RPSA2: variants seen among roughly 807,000 people sequenced by gnomAD.
RPSA2 encodes the protein ribosomal protein SA 2, also known as small ribosomal subunit protein uS2B.
At chr19:23,870,501 A>G in the RPSA2 span, among the ~76,000 whole-genome samples, 1 of 143,140 alleles carries the variant, frequency 7.0e-6, no homozygotes, top group Non-Finnish European at 1.5e-5. Flanking sequence ...CACATCCAAC[A>G]TCACCTTTGA....
chr19:23,847,998 C>T, the RPSA2 span, among the ~76,000 whole-genome samples: 17 of 152,222 alleles, frequency 1.1e-4, no homozygotes, highest in Admixed American at 6.5e-4. Context: ...TCCCTAAAAT[C>T]GCTGCTATTC....
the RPSA2 span, among the ~76,000 whole-genome samples, chr19:23,778,105 G>A: frequency 6.6e-6 from 1 of 152,156 alleles, no homozygotes; most frequent in Non-Finnish European, 1.5e-5. Flanking sequence ...GTGACATATT[G>A]CAGTGACCAG....
chr19:23,813,723 C>T, the RPSA2 span, among the ~76,000 whole-genome samples: 1 of 64,208 alleles, frequency 1.6e-5, no homozygotes, highest in Non-Finnish European at 3.0e-5. Context: ...ACAATCAACA[C>T]GGGTTTCTTT....
the RPSA2 span, among the ~76,000 whole-genome samples, chr19:23,824,344 T>C: frequency 7.4e-6 from 1 of 135,388 alleles, no homozygotes; most frequent in South Asian, 2.7e-4. Flanking sequence ...TGTGACCTTG[T>C]CATGTTGCCC....
chr19:23,820,061 A>G, the RPSA2 span, among the ~76,000 whole-genome samples: 1 of 152,214 alleles, frequency 6.6e-6, no homozygotes, highest in Non-Finnish European at 1.5e-5. Context: ...ACCCATCCTG[A>G]AAAGGTGCAG....
chr19:23,833,694 T>G, the RPSA2 span, among the ~76,000 whole-genome samples: 1 of 152,098 alleles, frequency 6.6e-6, no homozygotes, highest in African/African-American at 2.4e-5. Flanking sequence ...TTACTCAAAA[T>G]CAGATAGTTC....
At chr19:23,837,686 T>C in the RPSA2 span, among the ~76,000 whole-genome samples, 1 of 152,104 alleles carries the variant, frequency 6.6e-6, no homozygotes, top group Non-Finnish European at 1.5e-5. Flanking sequence ...ATTAGGTATA[T>C]TTCCTAAGTA....
the RPSA2 span, among the ~76,000 whole-genome samples, chr19:23,857,817 C>A: frequency 3.9e-5 from 6 of 151,962 alleles, no homozygotes; most frequent in Admixed American, 2.0e-4. Context: ...CTTATAAAGT[C>A]ATTTCAATAA....
At chr19:23,796,220 T>A in the RPSA2 span, among the ~76,000 whole-genome samples, 1 of 152,254 alleles carries the variant, frequency 6.6e-6, no homozygotes, top group Non-Finnish European at 1.5e-5. Flanking sequence ...ATTGAGGTAA[T>A]CTTGTGGTTT....
At chr19:23,761,244 C>T in the RPSA2 span, among the ~76,000 whole-genome samples, 1 of 151,828 alleles carries the variant, frequency 6.6e-6, no homozygotes, top group East Asian at 1.9e-4. Flanking sequence ...CACACAAGGC[C>T]AATTTTCTAA....
the RPSA2 span, among the ~76,000 whole-genome samples, chr19:23,860,297 C>T: frequency 2.6e-5 from 4 of 152,174 alleles, no homozygotes; most frequent in Non-Finnish European, 4.4e-5. Context: ...CTCCACTTGT[C>T]CTACCCTGTC....
the RPSA2 span, chr19:23,758,763 G>A: frequency 1.2e-6 from 2 of 1,614,110 alleles, no homozygotes; most frequent in Non-Finnish European, 1.7e-6. Flanking sequence ...TAGGTTTCCG[G>A]GGGACCTGGC....
At chr19:23,786,457 C>T in the RPSA2 span, among the ~76,000 whole-genome samples, 2 of 152,060 alleles carry the variant, frequency 1.3e-5, no homozygotes, top group African/African-American at 2.4e-5. Flanking sequence ...TTTGGGGACC[C>T]AACAAATTTT....
the RPSA2 span, among the ~76,000 whole-genome samples, chr19:23,868,617 C>A: frequency 1.3e-5 from 2 of 152,130 alleles, no homozygotes; most frequent in African/African-American, 4.8e-5. Flanking sequence ...AAGACTGCAG[C>A]AGAAAGACAT....
the RPSA2 span, among the ~76,000 whole-genome samples, chr19:23,768,174 GTTTTATTTGTTAAATTTA>G: frequency 3.2e-3 from 2 of 630 alleles, no homozygotes; most frequent in African/African-American, 6.0e-3. Flanking sequence ...CTAGTGATAT[GTTTTATTTGTTAAATTTA>G]TGTTTTTTTC....
At chr19:23,861,669 G>C in the RPSA2 span, among the ~76,000 whole-genome samples, 1 of 152,032 alleles carries the variant, frequency 6.6e-6, no homozygotes, top group Non-Finnish European at 1.5e-5. Context: ...GTACTAACAT[G>C]ACCTCTGCAA....
chr19:23,859,071 C>T, the RPSA2 span, among the ~76,000 whole-genome samples: 65 of 152,264 alleles, frequency 4.3e-4, no homozygotes, highest in East Asian at 0.011. Context: ...TCCATCTACT[C>T]GATTTCCTTG....
chr19:23,860,291 A>C, the RPSA2 span, among the ~76,000 whole-genome samples: 1 of 152,030 alleles, frequency 6.6e-6, no homozygotes, highest in African/African-American at 2.4e-5. Flanking sequence ...CTCACACTCC[A>C]CTTGTCCTAC....
the RPSA2 span, among the ~76,000 whole-genome samples, chr19:23,791,491 C>T: frequency 2.0e-5 from 3 of 152,120 alleles, no homozygotes; most frequent in Non-Finnish European, 4.4e-5. Context: ...AGTCTAATTG[C>T]CTGCCACTTA....
Sources: allele counts gnomAD v4.1 joint callset (sites outside exome capture counted in the v4.1 genomes callset), GRCh38; gene constraint gnomAD v4.1.1; transcripts MANE v1.5; gene names NCBI Gene and HGNC (gene_info 2026-07-23, HGNC 2026-07-21).